Variants in MAPK10 observed in about 807,000 individuals in gnomAD.
MAPK10 encodes mitogen-activated protein kinase 10.
Under a neutral mutation model 59.3 loss-of-function variants are expected in MAPK10, and 25 were observed. The observed-to-expected ratio is 0.42, with a 90% CI of 0.31 to 0.59. The LOEUF (loss-of-function observed/expected upper bound fraction) is 0.59. Among genes scored for constraint, MAPK10 ranks in the 20% least tolerant of loss-of-function variants. MAPK10 has a pLI of 0.15. For synonymous variants in MAPK10, 190 were observed against 200.5 expected (o/e 0.95, Z 0.44); for missense variants, 351 against 568.9 (o/e 0.62, Z 3.90).
At chr4:86,307,095 C>T (rs1182296807) in intron 2 of MAPK10, among the ~76,000 whole-genome samples, 1 of 152,106 alleles carries the variant, frequency 6.6e-6, no homozygotes, top group Admixed American at 6.6e-5. Context: ...AGAAGCAAAA[C>T]TCAAAATCTT....
In MAPK10 at chr4:86,444,357, G is replaced by A. The variant is rs185628681; in HGVS notation, c.-122+8673C>T. ...TTAATAAATAGTGCTGGCAGAACTGGATAAACATATTCAAAAAATTGAAAC... is the reference window on the plus strand; with the variant it reads ...TTAATAAATAGTGCTGGCAGAACTGAATAAACATATTCAAAAAATTGAAAC... On this transcript the variant is annotated intron_variant, in intron 1 of 13. Coordinates refer to the MAPK10 transcript ENST00000361569. 6.6e-4 allele frequency among the ~76,000 whole-genome samples: 101 copies of A among 152,134 alleles called. 1 individual carries two copies. Among genetic ancestry groups the A allele is most frequent in the African/African-American group, 2.4e-3 (98 of 41,526 alleles).
chr4:86,568,442 A>C (rs889817703), intron 1 of MAPK10, among the ~76,000 whole-genome samples: 4 of 152,004 alleles, frequency 2.6e-5, no homozygotes, highest in Non-Finnish European at 4.4e-5. Flanking sequence ...TAATCCTAAA[A>C]TTCATATGGA....
At chr4:86,474,498 G>A (rs755953502) in intron 1 of MAPK10, among the ~76,000 whole-genome samples, 17 of 152,164 alleles carry the variant, frequency 1.1e-4, no homozygotes, top group Admixed American at 3.3e-4. Flanking sequence ...AGAGAGGTCC[G>A]AAAGTTATTC....
intron 11 of MAPK10, chr4:86,032,185 G>A (rs1417828633): frequency 6.6e-6 from 1 of 152,124 alleles, no homozygotes; most frequent in Non-Finnish European, 1.5e-5. Context: ...CCCATGTGGA[G>A]TTCAAATGTG....
chr4:86,291,887 T>C (rs966715257), intron 2 of MAPK10, among the ~76,000 whole-genome samples: 22 of 152,284 alleles, frequency 1.4e-4, no homozygotes, highest in Admixed American at 5.9e-4. Context: ...ATATAACTTT[T>C]CCTGGATAAT....
chr4:86,454,145 A>G (rs1751026809), upstream of MAPK10, among the ~76,000 whole-genome samples: 1 of 152,216 alleles, frequency 6.6e-6, no homozygotes, highest in Non-Finnish European at 1.5e-5. Flanking sequence ...TCCCTCTGAC[A>G]GAGCCTACCC....
At chr4:86,593,358 T>G (rs556251784) in intron 1 of MAPK10, among the ~76,000 whole-genome samples, 46 of 152,318 alleles carry the variant, frequency 3.0e-4, no homozygotes, top group African/African-American at 9.1e-4. Context: ...CAGTTTACCT[T>G]ATACCTCTGA....
intron 2 of MAPK10, among the ~76,000 whole-genome samples, chr4:86,248,210 T>C (rs879383513): frequency 3.3e-5 from 5 of 152,226 alleles, no homozygotes; most frequent in Non-Finnish European, 5.9e-5. Context: ...CAGTGTGTCA[T>C]TGGTTTTTTT....
At chr4:86,431,884 CT>C (rs1270083872) in intron 1 of MAPK10, among the ~76,000 whole-genome samples, 1 of 152,150 alleles carries the variant, frequency 6.6e-6, no homozygotes. Context: ...GTTTTCAGCC[CT>C]ATGATGTCAA....
chr4:86,239,232 G>A (rs962546756), intron 2 of MAPK10, among the ~76,000 whole-genome samples: 4 of 152,162 alleles, frequency 2.6e-5, no homozygotes, highest in Non-Finnish European at 5.9e-5. Context: ...TTTATGTGCT[G>A]CTGGATTCAG....
chr4:86,542,713 G>C (rs1408570435), intron 1 of MAPK10, among the ~76,000 whole-genome samples: 1 of 152,170 alleles, frequency 6.6e-6, no homozygotes, highest in African/African-American at 2.4e-5. Context: ...TGTATGAGAA[G>C]ACAAAATTTC....
chr4:86,289,511 G>C (rs1214064544), intron 2 of MAPK10, among the ~76,000 whole-genome samples: 1 of 151,276 alleles, frequency 6.6e-6, no homozygotes, highest in Non-Finnish European at 1.5e-5. Context: ...TTCAGTTATA[G>C]CATTATATAG....
chr4:86,035,632 TAATA>T (rs1388202422), intron 11 of MAPK10, among the ~76,000 whole-genome samples: 1 of 152,084 alleles, frequency 6.6e-6, no homozygotes, highest in Non-Finnish European at 1.5e-5. Flanking sequence ...TAATAAATGT[TAATA>T]AATAAACTTG....
intron 4 of MAPK10, among the ~76,000 whole-genome samples, chr4:86,117,154 G>T (rs746366338): frequency 1.9e-4 from 29 of 152,164 alleles, no homozygotes; most frequent in Admixed American, 4.6e-4. Context: ...TGTGCCTATT[G>T]TCCCAGCTAC....
At chr4:86,200,595 G>A (rs1167661171) in intron 2 of MAPK10, among the ~76,000 whole-genome samples, 1 of 151,828 alleles carries the variant, frequency 6.6e-6, no homozygotes, top group African/African-American at 2.4e-5. Flanking sequence ...TTATAATAAT[G>A]CTGCTATGAT....
At chr4:86,309,705 C>T (rs1484920227) in intron 2 of MAPK10, among the ~76,000 whole-genome samples, 1 of 152,124 alleles carries the variant, frequency 6.6e-6, no homozygotes, top group Non-Finnish European at 1.5e-5. Context: ...GTGACAATTT[C>T]ACAAAACGGA....
intron 9 of MAPK10, among the ~76,000 whole-genome samples, chr4:86,083,170 C>T (rs977214668): frequency 6.6e-6 from 1 of 151,990 alleles, no homozygotes; most frequent in Non-Finnish European, 1.5e-5. Context: ...ATAGAAGGCT[C>T]CACCAATCAT....
At position 86,108,751 on chromosome 4, in the gene MAPK10, G is replaced by C. The variant is rs954174791; in HGVS notation, c.237-1399C>G. Among the ~76,000 whole-genome samples the C allele has an allele frequency of 7.2e-5, 11 of 152,230 alleles. No homozygotes were observed. The East Asian group carries it at 2.1e-3, about 29-fold the overall frequency. On this transcript the variant is annotated intron_variant, in intron 4 of 13. Coordinates refer to ENST00000641462, the MANE Select transcript of MAPK10 (RefSeq NM_138982.4). ...TTATCTTTCTGCAGTTTCCACTGACGACTGTTAGTCCTGCCTTCCAGGGCA... is the reference window on the plus strand; with the variant it reads ...TTATCTTTCTGCAGTTTCCACTGACCACTGTTAGTCCTGCCTTCCAGGGCA...
chr4:86,367,576 C>T (rs1356328292), intron 1 of MAPK10, among the ~76,000 whole-genome samples: 3 of 152,124 alleles, frequency 2.0e-5, no homozygotes, highest in Admixed American at 6.6e-5. Context: ...GAGGCTACCA[C>T]ATCCAGTTTC....
Sources: gnomAD v4.1 joint callset for allele counts (sites outside exome capture counted in the v4.1 genomes callset) on GRCh38, gnomAD v4.1.1 for gene constraint, MANE v1.5 for transcripts, NCBI Gene and HGNC (gene_info 2026-07-23, HGNC 2026-07-21) for gene names.